Variants in SLCO3A1 observed in about 807,000 individuals in gnomAD.
SLCO3A1 encodes PGE1 transporter.
SLCO3A1 carries 27 observed loss-of-function variants against 63.1 expected under a neutral mutation model. The ratio of observed to expected loss-of-function variants is 0.43; its 90% CI spans 0.32 to 0.59. The LOEUF (loss-of-function observed/expected upper bound fraction) is 0.59, where lower values mean the gene tolerates loss of function less well. SLCO3A1 is among the 20% of genes least tolerant of loss of function. SLCO3A1 has a pLI of 0.09. For synonymous variants in SLCO3A1, 473 were observed against 409.9 expected (o/e 1.15, Z -1.86); for missense variants, 773 against 945.8 (o/e 0.82, Z 2.40).
intron 2 of SLCO3A1, among the ~76,000 whole-genome samples, chr15:92,060,190 C>T (rs1346670666): frequency 6.6e-6 from 1 of 151,960 alleles, no homozygotes; most frequent in Non-Finnish European, 1.5e-5. Flanking sequence ...AATGTGAATG[C>T]CTAGGACAGT....
At position 92,151,005 on chromosome 15, in the gene SLCO3A1, C is replaced by T; in HGVS notation, c.1744C>T (p.Arg582Cys). 6.2e-7 allele frequency: 1 copy of T among 1,610,316 alleles called. No homozygotes were observed. The highest frequency in any genetic ancestry group is 8.5e-7 in the Non-Finnish European group (1 of 1,177,090). The change falls in exon 9 of 10, where the codon CGT becomes TGT. Residue 582 changes from arginine (R) to cysteine (C), a missense_variant. By Grantham distance (180) the Arg-to-Cys change is radical. Coordinates refer to ENST00000318445, the MANE Select transcript of SLCO3A1 (RefSeq NM_013272.4). ...YALGVLFLLL[R>C]LLGFIPPPLI... Reference sequence around the variant, plus strand: ...TTTGGGAGTTCTTTTTCTCCTCCTTCGTTTGTTGGGTATGTATTATCTCTT... The same window carrying T: ...TTTGGGAGTTCTTTTTCTCCTCCTTTGTTTGTTGGGTATGTATTATCTCTT...
At chr15:92,157,425 C>CT (rs959987504) in intron 9 of SLCO3A1, among the ~76,000 whole-genome samples, 3 of 132,284 alleles carry the variant, frequency 2.3e-5, no homozygotes, top group African/African-American at 5.6e-5. Flanking sequence ...GTACACCTGG[C>CT]CCCCCCCCTT....
chr15:91,958,122 T>G (rs1900306611), intron 2 of SLCO3A1, among the ~76,000 whole-genome samples: 1 of 152,092 alleles, frequency 6.6e-6, no homozygotes, highest in Non-Finnish European at 1.5e-5. Context: ...ATTGAAAAAA[T>G]TAAGAAATTT....
Position 91,945,633 on chromosome 15 carries a change from A to G in SLCO3A1, c.646+29175A>G, listed in dbSNP as rs57017401. 4.6e-5 allele frequency among the ~76,000 whole-genome samples: 7 copies of G among 152,322 alleles called. No homozygotes were observed. In the East Asian group the frequency reaches 1.4e-3, roughly 29 times the overall value. On this transcript the variant is annotated intron_variant, in intron 2 of 9. Coordinates refer to ENST00000318445, the MANE Select transcript of SLCO3A1 (RefSeq NM_013272.4). ...GGGGCAGAGGGAGATGGAGAGTTGG[A>G]GAGGTGGCCACAGCTGGCCCCACAG...
In SLCO3A1 at chr15:91,864,370, G is replaced by C. The variant is rs140938514; in HGVS notation, c.180+10282G>C. 5.6e-3 allele frequency among the ~76,000 whole-genome samples: 860 copies of C among 152,224 alleles called. 10 individuals are homozygous for C. Among genetic ancestry groups the C allele is most frequent in the African/African-American group, 0.018 (735 of 41,524 alleles). On this transcript the variant is annotated intron_variant, in intron 1 of 9. Transcript: ENST00000318445. ...TATAAGCAGGTGAGCAGCCAGGAAG[G>C]AAAGACAACTGATAGTTTTAATTTT...
rs972025618 is a variant in SLCO3A1 at position 92,146,852 on chromosome 15, GTTTA to G, written c.1513-129_1513-126del. Reference sequence around the variant, plus strand: ...CCTCCTTAAAAAAGCTAACTAACTCGTTTATTCAGGCCTAATTAATGGAATGCCA... The same window carrying G: ...CCTCCTTAAAAAAGCTAACTAACTCGTTCAGGCCTAATTAATGGAATGCCA... On this transcript the variant is annotated intron_variant, in intron 7 of 9. Coordinates refer to ENST00000318445, the MANE Select transcript of SLCO3A1 (RefSeq NM_013272.4). 6.6e-6 allele frequency: 5 copies of G among 760,954 alleles called. No individual in the cohort carries two copies. The African/African-American group carries it at 8.9e-5, about 14-fold the overall frequency. The allele number at this position is 760,954 out of a possible 1,614,324, so 47.1% of individuals were successfully genotyped here. A position where few individuals can be genotyped will look rare whatever the true frequency, so the allele number is the denominator to read the frequency against.
At chr15:91,926,638 A>G (rs979711902) in intron 2 of SLCO3A1, among the ~76,000 whole-genome samples, 19 of 140,554 alleles carry the variant, frequency 1.4e-4, no homozygotes, top group African/African-American at 5.4e-4. Context: ...CACATAATAG[A>G]CAAATATGAA....
intron 2 of SLCO3A1, among the ~76,000 whole-genome samples, chr15:92,065,187 G>C (rs1264944797): frequency 6.6e-6 from 1 of 152,088 alleles, no homozygotes; most frequent in Non-Finnish European, 1.5e-5. Flanking sequence ...GGTTCAAGCA[G>C]TTCTCCTGCC....
At chr15:91,890,289 A>T (rs1897838646) in intron 1 of SLCO3A1, among the ~76,000 whole-genome samples, 1 of 152,120 alleles carries the variant, frequency 6.6e-6, no homozygotes, top group Non-Finnish European at 1.5e-5. Context: ...CCATCACCAT[A>T]CTCATCCATT....
intron 2 of SLCO3A1, among the ~76,000 whole-genome samples, chr15:91,957,027 A>ATATATATACTATATATTATATATAC (rs1900226649): frequency 3.0e-3 from 1 of 332 alleles, no homozygotes; most frequent in Non-Finnish European, 5.7e-3. Flanking sequence ...AGTATATATA[A>ATATATATACTATATATTATATATAC]TATATAATAT....
At chr15:92,027,004 C>T (rs1456904392) in intron 2 of SLCO3A1, among the ~76,000 whole-genome samples, 1 of 151,660 alleles carries the variant, frequency 6.6e-6, no homozygotes, top group Non-Finnish European at 1.5e-5. Context: ...ACAGGAGAAT[C>T]ACTTGAACCC....
chr15:91,909,060 CAAACA>C (rs532563444), intron 1 of SLCO3A1, among the ~76,000 whole-genome samples: 55 of 152,274 alleles, frequency 3.6e-4, no homozygotes, highest in African/African-American at 1.1e-3. Flanking sequence ...GACTCTGTCT[CAAACA>C]AAACAAAACA....
chr15:91,898,674 G>A (rs1196624127), intron 1 of SLCO3A1, among the ~76,000 whole-genome samples: 3 of 152,006 alleles, frequency 2.0e-5, no homozygotes, highest in Non-Finnish European at 2.9e-5. Context: ...ATGCATTTTG[G>A]ATGGAGTTGA....
At chr15:91,881,425 A>C (rs11857939) in intron 1 of SLCO3A1, among the ~76,000 whole-genome samples, 117,292 of 151,942 alleles carry the variant, frequency 0.77, 46,244 homozygotes, top group East Asian at 0.99. Context: ...CCTGAGCTGA[A>C]AGACCCAGTG....
intron 2 of SLCO3A1, among the ~76,000 whole-genome samples, chr15:91,989,260 T>C (rs567427596): frequency 6.6e-6 from 1 of 152,330 alleles, no homozygotes; most frequent in Admixed American, 6.5e-5. Flanking sequence ...CTGTTCCATC[T>C]TCTTTCTGTA....
At chr15:92,043,411 A>C (rs8038348) in intron 2 of SLCO3A1, among the ~76,000 whole-genome samples, 5,360 of 152,286 alleles carry the variant, frequency 0.035, 279 homozygotes, top group African/African-American at 0.12. Context: ...CTGCCTGTAT[A>C]ACCAGCGATA....
chr15:91,876,882 C>T (rs1176226689), intron 1 of SLCO3A1, among the ~76,000 whole-genome samples: 1 of 152,222 alleles, frequency 6.6e-6, no homozygotes, highest in Non-Finnish European at 1.5e-5. Flanking sequence ...TTTCTGTATT[C>T]ACATTGCCTG....
chr15:92,097,990 A>G (rs2047560407), intron 3 of SLCO3A1: 1 of 152,200 alleles, frequency 6.6e-6, no homozygotes, highest in African/African-American at 2.4e-5. Flanking sequence ...GTATGGGAAC[A>G]TTACTGTAGG....
intron 1 of SLCO3A1, among the ~76,000 whole-genome samples, chr15:91,871,577 T>A (rs994511167): frequency 1.3e-5 from 2 of 152,138 alleles, no homozygotes; most frequent in African/African-American, 4.8e-5. Context: ...TACTCAGGTG[T>A]TTTTTTCTAG....
Sources: allele counts gnomAD v4.1 joint callset (sites outside exome capture counted in the v4.1 genomes callset), GRCh38; gene constraint gnomAD v4.1.1; transcripts MANE v1.5; gene names NCBI Gene and HGNC (gene_info 2026-07-23, HGNC 2026-07-21).